The following DGKK variants were observed in gnomAD, a reference collection of about 807,000 sequenced individuals.
The protein encoded by DGKK is 142 kDa diacylglycerol kinase.
DGKK carries 35 observed loss-of-function variants against 92.2 expected under a neutral mutation model. The ratio of observed to expected loss-of-function variants is 0.38; its 90% CI spans 0.29 to 0.50. The LOEUF (loss-of-function observed/expected upper bound fraction) is 0.50, where lower values mean the gene tolerates loss of function less well. DGKK is among the 20% of genes least tolerant of loss of function. The probability of loss-of-function intolerance (pLI) is 0.92; values close to 1 mark genes in which losing one functional copy is unlikely to be tolerated. For missense variants in DGKK, 910 were observed against 992.2 expected (o/e 0.92, Z 1.11); for synonymous variants, 368 against 360.6 (o/e 1.02, Z -0.23).
At chrX:50,422,689 G>C (rs1925630668) in intron 2 of DGKK, among the ~76,000 whole-genome samples, 163 bp from the exon 3 acceptor site, 1 of 110,665 alleles carries the variant, frequency 9.0e-6, no homozygotes, top group Non-Finnish European at 1.9e-5. Context: ...TGGCTTGAGG[G>C]CTAAAATTTA....
intron 1 of DGKK, among the ~76,000 whole-genome samples, chrX:50,439,314 T>G (rs1013901702): frequency 7.5e-5 from 8 of 106,575 alleles, no homozygotes; most frequent in Non-Finnish European, 1.2e-4. Flanking sequence ...AATCCGAATT[T>G]GAAACACAGC....
At chrX:50,444,766 G>A (rs1296843376) in intron 1 of DGKK, among the ~76,000 whole-genome samples, 1 of 110,233 alleles carries the variant, frequency 9.1e-6, no homozygotes. Flanking sequence ...ACATGCATGT[G>A]TCTTTATGGT....
intron 1 of DGKK, among the ~76,000 whole-genome samples, chrX:50,437,982 T>C (rs1175120787): frequency 1.8e-5 from 2 of 110,468 alleles, no homozygotes; most frequent in Non-Finnish European, 3.8e-5. Flanking sequence ...AGCTGCAATC[T>C]GGGGGACAGC....
Position 50,368,913 on chromosome X carries a change from G to A in DGKK, c.*27C>T. The A allele has an allele frequency of 8.5e-7, 1 of 1,174,055 alleles. No homozygotes were observed. ...GAGTTTTTTTAGTAGAATTCTCAAT[G>A]TTGTGAGTTCTTCCAGCTTTCAAGG... On this transcript the variant is annotated 3_prime_UTR_variant, in exon 28 of 28. Coordinates refer to ENST00000611977, the MANE Select transcript of DGKK (RefSeq NM_001013742.4).
intron 20 of DGKK, among the ~76,000 whole-genome samples, chrX:50,379,320 A>C (rs1396793628): frequency 9.3e-6 from 1 of 107,845 alleles, no homozygotes; most frequent in Non-Finnish European, 1.9e-5. Flanking sequence ...CGTTTCAAAA[A>C]AAAAAAAAAA....
At chrX:50,453,382 A>AGGACATG (rs1230373350) in intron 1 of DGKK, among the ~76,000 whole-genome samples, 1 of 111,566 alleles carries the variant, frequency 9.0e-6, no homozygotes, top group Non-Finnish European at 1.9e-5. Context: ...ACAAGGACAT[A>AGGACATG]GGACATGGGA....
intron 4 of DGKK, among the ~76,000 whole-genome samples, chrX:50,410,176 GAGTTTTGAGGTACATGCC>G (rs1925269532): frequency 8.9e-6 from 1 of 111,999 alleles, no homozygotes; most frequent in African/African-American, 3.3e-5. Context: ...GAGATTAGAA[GAGTTTTGAGGTACATGCC>G]AAGAAAGCCT....
intron 22 of DGKK, among the ~76,000 whole-genome samples, chrX:50,377,582 T>C (rs1415937725): frequency 8.9e-6 from 1 of 112,314 alleles, no homozygotes; most frequent in Non-Finnish European, 1.9e-5. Context: ...CCTCCAAGCA[T>C]TGAATATGTG....
At chrX:50,381,182 C>A (rs1170314711) in intron 18 of DGKK, among the ~76,000 whole-genome samples, 1 of 111,989 alleles carries the variant, frequency 8.9e-6, no homozygotes, top group Admixed American at 9.5e-5. Context: ...AAAAATGGCT[C>A]TAGATCCGGG....
In DGKK at chrX:50,370,072, T is replaced by C. The variant is rs186985459; in HGVS notation, c.3736+354A>G. On this transcript the variant is annotated intron_variant, in intron 27 of 27. Transcript: ENST00000611977. ...ATTCAAACAATAAAATATACAGATA[T>C]GTTGCTTTTCTACCACTTACTATAA... Among the ~76,000 whole-genome samples the C allele has an allele frequency of 4.7e-3, 528 of 112,286 alleles. 2 individuals are homozygous for C. Among genetic ancestry groups the C allele is most frequent in the African/African-American group, 0.017 (516 of 30,958 alleles).
Position 50,416,290 on chromosome X carries a change from G to A in DGKK, c.942+4113C>T, listed in dbSNP as rs782018956. 2.7e-5 allele frequency among the ~76,000 whole-genome samples: 3 copies of A among 112,080 alleles called. No homozygotes were observed. The South Asian group carries it at 1.1e-3, about 42-fold the overall frequency. On this transcript the variant is annotated intron_variant, in intron 4 of 27. Transcript: ENST00000611977. ...TGAACTAAGACATCACTGATGTAGGGCAGCTAAGGGTACTTTCTCCACCTC... is the reference window on the plus strand; with the variant it reads ...TGAACTAAGACATCACTGATGTAGGACAGCTAAGGGTACTTTCTCCACCTC...
At chrX:50,456,225 G>A (rs1213329326) in intron 1 of DGKK, among the ~76,000 whole-genome samples, 1 of 111,830 alleles carries the variant, frequency 8.9e-6, no homozygotes, top group Non-Finnish European at 1.9e-5. Context: ...CTGATCAGAG[G>A]CATTGGTGAA....
Position 50,387,894 on chromosome X carries a change from G to T in DGKK, c.2019-241C>A, listed in dbSNP as rs1237727856. 2.5e-4 allele frequency among the ~76,000 whole-genome samples: 28 copies of T among 112,128 alleles called. No homozygotes were observed. In the East Asian group the frequency reaches 7.3e-3, roughly 29 times the overall value. On this transcript the variant is annotated intron_variant, in intron 13 of 27. Coordinates refer to ENST00000611977, the MANE Select transcript of DGKK (RefSeq NM_001013742.4). ...CTTCCCAAGTCAAGAACCTAATAGAGCTTGACCAGCATTTCTTAGTACTAA... is the reference window on the plus strand; with the variant it reads ...CTTCCCAAGTCAAGAACCTAATAGATCTTGACCAGCATTTCTTAGTACTAA...
intron 1 of DGKK, among the ~76,000 whole-genome samples, chrX:50,445,585 G>A (rs1557231749): frequency 1.8e-5 from 2 of 110,998 alleles, no homozygotes; most frequent in Admixed American, 9.6e-5. Context: ...AAAATCAGAT[G>A]GTTATAGGTG....
At chrX:50,424,972 C>G (rs1165303936) in intron 1 of DGKK, among the ~76,000 whole-genome samples, 1 of 112,070 alleles carries the variant, frequency 8.9e-6, no homozygotes, top group Non-Finnish European at 1.9e-5. Flanking sequence ...ATCTCATAGT[C>G]TAACCACTGA....
chrX:50,437,902 A>AT (rs1320528259), intron 1 of DGKK, among the ~76,000 whole-genome samples: 1 of 110,953 alleles, frequency 9.0e-6, no homozygotes, highest in East Asian at 2.8e-4. Context: ...GCCCTAATCC[A>AT]TATGTGCTGC....
chrX:50,379,688 A>T lies in DGKK; in HGVS notation c.2801T>A (p.Val934Glu). Residue 934 changes from valine (V) to glutamate (E), a missense_variant, in exon 20 of 28, where the codon GTG becomes GAG. Val to Glu is a moderately radical substitution (Grantham distance 121). Coordinates refer to ENST00000611977, the MANE Select transcript of DGKK (RefSeq NM_001013742.4). ...ISLPNLQGIV[V>E]LNITSYAGGI... Reference sequence around the variant, plus strand: ...TCCAGCATAGCTGGTAATGTTGAGCACTACAATGCCTTGCAGGTTTGGCAA... The same window carrying T: ...TCCAGCATAGCTGGTAATGTTGAGCTCTACAATGCCTTGCAGGTTTGGCAA... The T allele has an allele frequency of 8.3e-7, 1 of 1,211,516 alleles. No homozygotes were observed.
intron 9 of DGKK, among the ~76,000 whole-genome samples, 177 bp downstream of exon 9, chrX:50,392,975 C>T (rs1569544372): frequency 8.9e-6 from 1 of 112,432 alleles, no homozygotes; most frequent in Non-Finnish European, 1.9e-5. Context: ...GGGCTAAGAG[C>T]CCTCCTACCA....
chrX:50,445,173 G>A (rs1264332867), intron 1 of DGKK, among the ~76,000 whole-genome samples: 16 of 98,185 alleles, frequency 1.6e-4, no homozygotes, highest in Non-Finnish European at 2.2e-4. Context: ...TGTAGATGCC[G>A]GATATTAGAC....
Sources: allele counts gnomAD v4.1 joint callset (sites outside exome capture counted in the v4.1 genomes callset), GRCh38; gene constraint gnomAD v4.1.1; transcripts MANE v1.5; gene names NCBI Gene and HGNC (gene_info 2026-07-23, HGNC 2026-07-21).